The following PTPRN2 variants were observed in gnomAD, a reference collection of about 807,000 sequenced individuals.
The protein encoded by PTPRN2 is protein tyrosine phosphatase receptor type N2, also known as receptor-type tyrosine-protein phosphatase N2.
PTPRN2 carries 74 observed loss-of-function variants against 118.8 expected under a neutral mutation model. The ratio of observed to expected loss-of-function variants is 0.62; its 90% CI spans 0.52 to 0.76. PTPRN2 has a LOEUF of 0.76. Among genes scored for constraint, PTPRN2 ranks in the 30% least tolerant of loss-of-function variants. The pLI is 0.00. For synonymous variants in PTPRN2, 641 were observed against 608.0 expected (o/e 1.05, Z -0.80); for missense variants, 1,481 against 1,394.4 (o/e 1.06, Z -0.99).
At chr7:158,413,729 A>T (rs1814395021) in intron 2 of PTPRN2, among the ~76,000 whole-genome samples, 1 of 152,228 alleles carries the variant, frequency 6.6e-6, no homozygotes, top group Non-Finnish European at 1.5e-5. Flanking sequence ...TAAAACTAGG[A>T]GAACGGGCCC....
At chr7:157,811,263 T>A (rs1806017530) in intron 12 of PTPRN2, among the ~76,000 whole-genome samples, 1 of 131,228 alleles carries the variant, frequency 7.6e-6, no homozygotes. Flanking sequence ...AGAGCGAGAC[T>A]CCATCTCAAA....
At chr7:157,871,794 TACACACCC>T (rs1010990353) in intron 12 of PTPRN2, among the ~76,000 whole-genome samples, 17 of 149,618 alleles carry the variant, frequency 1.1e-4, no homozygotes, top group African/African-American at 4.0e-4. Flanking sequence ...CCTAAATACC[TACACACCC>T]ACACACCCAC....
chr7:158,189,298 C>T (rs868301217), intron 5 of PTPRN2, among the ~76,000 whole-genome samples: 1 of 152,244 alleles, frequency 6.6e-6, no homozygotes, highest in African/African-American at 2.4e-5. Context: ...AAATTCCATT[C>T]TAACTCTGAC....
intron 3 of PTPRN2, among the ~76,000 whole-genome samples, chr7:158,261,805 A>G (rs1427938841): frequency 6.6e-6 from 1 of 152,194 alleles, no homozygotes; most frequent in East Asian, 1.9e-4. Flanking sequence ...TCCAGGCACT[A>G]CGGACGATTT....
chr7:157,772,132 G>GACAGACACACACACAGAC (rs978734862), intron 12 of PTPRN2, among the ~76,000 whole-genome samples: 2 of 135,564 alleles, frequency 1.5e-5, no homozygotes, highest in East Asian at 4.5e-4. Context: ...CACATACACA[G>GACAGACACACACACAGAC]ACAGACACAC....
intron 2 of PTPRN2, among the ~76,000 whole-genome samples, chr7:158,359,548 C>A (rs1808677316): frequency 6.6e-6 from 1 of 152,058 alleles, no homozygotes; most frequent in African/African-American, 2.4e-5. Flanking sequence ...AGCCTGAGGA[C>A]AACTTTCAGC....
At chr7:157,973,326 G>C (rs1274283023) in intron 11 of PTPRN2, among the ~76,000 whole-genome samples, 1 of 150,128 alleles carries the variant, frequency 6.7e-6, no homozygotes, top group African/African-American at 2.5e-5. Context: ...AAAACCTGCA[G>C]ATGTAAAATA....
In PTPRN2 at chr7:158,205,235, C is replaced by T; in HGVS notation, c.316G>A (p.Asp106Asn). ...TTCGGGAGGTCTGCAAGTTCCTGGTCCATCACATACTGAGTATAGTCATCC... is the reference window on the plus strand; with the variant it reads ...TTCGGGAGGTCTGCAAGTTCCTGGTTCATCACATACTGAGTATAGTCATCC... ...WQDDYTQYVM[D>N]QELADLPKTY... is the part of the protein sequence containing the mutation. The change falls in exon 4 of 23, where the codon GAC (aspartate) becomes AAC (asparagine). Residue 106 changes from aspartate to asparagine, a missense_variant. Asp to Asn is a conservative substitution (Grantham distance 23, BLOSUM62 1). Coordinates refer to ENST00000389418, the MANE Select transcript of PTPRN2 (RefSeq NM_002847.5). The T allele has an allele frequency of 1.2e-6, 2 of 1,614,052 alleles. No individual in the cohort carries two copies. Among genetic ancestry groups the T allele is most frequent in the Non-Finnish European group, 1.7e-6 (2 of 1,180,034 alleles).
intron 12 of PTPRN2, among the ~76,000 whole-genome samples, chr7:157,796,682 A>C (rs892814299): frequency 8.5e-5 from 13 of 152,064 alleles, no homozygotes; most frequent in Non-Finnish European, 1.6e-4. Flanking sequence ...GGAGCACGGC[A>C]GCTTCTGCTT....
chr7:158,498,751 A>G (rs1822138766), intron 1 of PTPRN2, among the ~76,000 whole-genome samples: 2 of 152,260 alleles, frequency 1.3e-5, no homozygotes, highest in African/African-American at 4.8e-5. Flanking sequence ...CTGCAGGTGC[A>G]GGTAGCCAGG....
At chr7:158,272,757 A>G (rs947421744) in intron 3 of PTPRN2, among the ~76,000 whole-genome samples, 15 of 152,142 alleles carry the variant, frequency 9.9e-5, no homozygotes, top group Admixed American at 9.8e-4. Context: ...ACCAGACTGC[A>G]GAGTGAGGTG....
intron 12 of PTPRN2, among the ~76,000 whole-genome samples, chr7:157,731,158 C>T (rs1253434741): frequency 2.0e-5 from 3 of 152,154 alleles, no homozygotes; most frequent in Non-Finnish European, 4.4e-5. Context: ...CTCCTGCTAA[C>T]CTCGTCCAGT....
At position 158,218,990 on chromosome 7, in the gene PTPRN2, A is replaced by G. The variant is rs191007949; in HGVS notation, c.278-13717T>C. Among the ~76,000 whole-genome samples, 40 of 152,314 alleles carry G rather than the reference A, an allele frequency of 2.6e-4. 1 individual carries two copies. In the East Asian group the frequency reaches 5.4e-3, roughly 21 times the overall value. ...AACACAATAATAGGGGGAGATTTCA[A>G]TATCCCATTTGACAGCATTAGACAG... On this transcript the variant is annotated intron_variant, in intron 3 of 22. Transcript: ENST00000389418.
chr7:158,368,095 A>C (rs1420003978), intron 2 of PTPRN2, among the ~76,000 whole-genome samples: 1 of 152,208 alleles, frequency 6.6e-6, no homozygotes, highest in Non-Finnish European at 1.5e-5. Flanking sequence ...CTTATTGATG[A>C]GGCTTTACTG....
intron 3 of PTPRN2, among the ~76,000 whole-genome samples, chr7:158,245,154 GTGGCCATGCCGGAATCCA>G (rs1796140507): frequency 6.6e-6 from 1 of 151,752 alleles, no homozygotes. Context: ...GCCAGAATCC[GTGGCCATGCCGGAATCCA>G]TGGCCATGCC....
At position 157,813,157 on chromosome 7, in the gene PTPRN2, C is replaced by G. The variant is rs1298036187; in HGVS notation, c.1788+85516G>C. 6.6e-6 allele frequency among the ~76,000 whole-genome samples: 1 copy of G among 152,194 alleles called. No individual in the cohort carries two copies. The highest frequency in any genetic ancestry group is 2.4e-5 in the African/African-American group (1 of 41,432). The stretch of plus-strand genomic sequence containing the variant: ...CCCCCAAGCCAACCACCCGGGCCCA[C>G]AGACAAGCATCTCCAGAGCGCGTGG... On this transcript the variant is annotated intron_variant, in intron 12 of 22. Coordinates refer to ENST00000389418, the MANE Select transcript of PTPRN2 (RefSeq NM_002847.5). The surrounding 1 kb of genome is among the most constrained non-coding windows in gnomAD (Gnocchi z 4.7).
Position 158,131,761 on chromosome 7 carries a change from G to A in PTPRN2, c.1556+1916C>T, listed in dbSNP as rs868101879. On this transcript the variant is annotated intron_variant, in intron 9 of 22. Coordinates refer to ENST00000389418, the MANE Select transcript of PTPRN2 (RefSeq NM_002847.5). ...CACTCATACACACACATGCACATAC[G>A]CACAAACCGATACACATCTACCCGA... 2.6e-3 allele frequency among the ~76,000 whole-genome samples: 274 copies of A among 105,110 alleles called. 1 individual carries two copies. The highest frequency in any genetic ancestry group is 7.8e-3 in the African/African-American group (215 of 27,498). The allele number at this position is 105,110 out of a possible 152,430, so 69.0% of individuals were successfully genotyped here. A position where few individuals can be genotyped will look rare whatever the true frequency, so the allele number is the denominator to read the frequency against.
chr7:158,305,624 G>A (rs368479680), intron 3 of PTPRN2, among the ~76,000 whole-genome samples: 389 of 152,224 alleles, frequency 2.6e-3, no homozygotes, highest in African/African-American at 8.9e-3. Context: ...GAGGACCAGA[G>A]AAAAGCAGCC....
At position 158,003,128 on chromosome 7, in the gene PTPRN2, GGTAAGGCCGGGCGCGGTGGCTCACGCCT is replaced by G. The variant is rs546170961; in HGVS notation, c.1723+78142_1723+78169del. On this transcript the variant is annotated intron_variant, in intron 11 of 22. Transcript: ENST00000389418. The surrounding 1 kb of genome is among the most constrained non-coding windows in gnomAD (Gnocchi z 5.0). ...GGGACAGGGCCTCTAAAGAGGTAAA[GGTAAGGCCGGGCGCGGTGGCTCACGCCT>G]GTAATCCCAGCACTTTGGGAGGCCG... Among the ~76,000 whole-genome samples, 3 of 152,288 alleles carry G rather than the reference GGTAAGGCCGGGCGCGGTGGCTCACGCCT, an allele frequency of 2.0e-5. No individual in the cohort carries two copies. In the South Asian group the frequency reaches 6.2e-4, roughly 32 times the overall value.
Sources: gnomAD v4.1 joint callset for allele counts (sites outside exome capture counted in the v4.1 genomes callset) on GRCh38, gnomAD v4.1.1 for gene constraint, Gnocchi (gnomAD v3.1) non-coding constraint, MANE v1.5 for transcripts, NCBI Gene and HGNC (gene_info 2026-07-23, HGNC 2026-07-21) for gene names.